Variants in ASIC2 observed in about 807,000 individuals in gnomAD.
The protein encoded by ASIC2 is acid-sensing ion channel 2.
Under a neutral mutation model 57.3 loss-of-function variants are expected in ASIC2, and 25 were observed. That is an observed-to-expected ratio of 0.44 (90% CI 0.32 to 0.61). ASIC2 has a LOEUF of 0.61. Ranked by LOEUF, ASIC2 falls within the 20% of genes least tolerant of loss-of-function variation. The pLI, the probability that ASIC2 is intolerant of heterozygous loss-of-function variation, is 0.06. For missense variants in ASIC2, 641 were observed against 738.1 expected, an observed-to-expected ratio of 0.87 and a Z score of 1.52; for synonymous variants, 319 against 307.5, an observed-to-expected ratio of 1.04 and a Z score of -0.39.
chr17:33,651,707 A>G (rs1378166534), intron 1 of ASIC2, among the ~76,000 whole-genome samples: 2 of 152,248 alleles, frequency 1.3e-5, no homozygotes, highest in African/African-American at 4.8e-5. Context: ...AGAAGCCCGC[A>G]GTCTGCTGTG....
At chr17:33,611,413 T>A (rs1394373913) in intron 1 of ASIC2, among the ~76,000 whole-genome samples, 1 of 152,238 alleles carries the variant, frequency 6.6e-6, no homozygotes, top group African/African-American at 2.4e-5. Context: ...TGTTCTATGG[T>A]TCCAGTTAGC....
chr17:33,981,334 T>C (rs1472571317), intron 1 of ASIC2, among the ~76,000 whole-genome samples: 1 of 152,232 alleles, frequency 6.6e-6, no homozygotes, highest in Non-Finnish European at 1.5e-5. Context: ...GGACCCAGTC[T>C]GTGACACAGG....
intron 1 of ASIC2, among the ~76,000 whole-genome samples, chr17:33,632,192 A>G (rs1597814380): frequency 2.0e-5 from 3 of 152,278 alleles, no homozygotes; most frequent in Middle Eastern, 6.8e-3. Context: ...TGATCAAATG[A>G]TATAATGCAC....
intron 1 of ASIC2, among the ~76,000 whole-genome samples, chr17:34,129,017 G>A (rs918982567): frequency 2.0e-5 from 3 of 152,148 alleles, no homozygotes; most frequent in Admixed American, 6.6e-5. Context: ...TGAATACACC[G>A]AAGGAAGAGA....
At chr17:33,552,272 T>C (rs529408444) in intron 1 of ASIC2, among the ~76,000 whole-genome samples, 1 of 152,324 alleles carries the variant, frequency 6.6e-6, no homozygotes, top group South Asian at 2.1e-4. Context: ...TCAGGAAGAT[T>C]TGCCTCCTGC....
rs989350289 is a variant in ASIC2, at chr17:33,021,207, A to T, written c.1441+12T>A. ...TGAGATGTGGAAATTTGTGCAATAG[A>T]CACTGACTTACCAAGTAAGGCAGCA... On this transcript the variant is annotated intron_variant, in intron 7 of 9. Transcript: ENST00000225823. The T allele has an allele frequency of 6.4e-6, 10 of 1,564,056 alleles. No individual in the cohort carries two copies. Among genetic ancestry groups the T allele is most frequent in the Non-Finnish European group, 7.9e-6 (9 of 1,139,806 alleles).
At chr17:33,893,748 G>T (rs537328371) in intron 1 of ASIC2, among the ~76,000 whole-genome samples, 21 of 152,320 alleles carry the variant, frequency 1.4e-4, no homozygotes, top group African/African-American at 4.8e-4. Flanking sequence ...TTATAAAATA[G>T]ATGTAGTGGA....
chr17:33,423,545 G>T (rs1000813467), intron 1 of ASIC2, among the ~76,000 whole-genome samples: 2 of 152,210 alleles, frequency 1.3e-5, no homozygotes, highest in African/African-American at 4.8e-5. Flanking sequence ...TTCAGACTTA[G>T]CTTTTTGTCC....
Position 33,292,601 on chromosome 17 carries a change from C to G in ASIC2, c.-486G>C, listed in dbSNP as rs1315926720. On this transcript the variant is annotated 5_prime_UTR_variant, in exon 1 of 10. Coordinates refer to ENST00000225823, the MANE Select transcript of ASIC2 (RefSeq NM_183377.2). ...GCCACCATGCCTGATCTGGACATCC[C>G]CAGGGACCCCACCAGCCCGGCCCGT... is the stretch of plus-strand genomic sequence containing the variant. 1.0e-6 allele frequency: 1 copy of G among 985,622 alleles called. No homozygotes were observed. The highest frequency in any genetic ancestry group is 1.2e-6 in the Non-Finnish European group (1 of 830,178). The allele number at this position is 985,622 out of a possible 1,614,324, so 61.1% of individuals were successfully genotyped here.
rs60756402 is a variant in ASIC2 at position 33,654,309 on chromosome 17, G to C, written c.555+501669C>G. Among the ~76,000 whole-genome samples, 1,070 of 152,344 alleles carry C rather than the reference G, an allele frequency of 7.0e-3. 14 individuals carry two copies. The highest frequency in any genetic ancestry group is 0.025 in the African/African-American group (1,023 of 41,570). On this transcript the variant is annotated intron_variant, in intron 1 of 9. Coordinates refer to the ASIC2 transcript ENST00000359872. Reference sequence around the variant, plus strand: ...AGACCAATAATTTGCAGAAGCAGAAGTGAAGATCAACATTTTTCCTCTTTA... The same window carrying C: ...AGACCAATAATTTGCAGAAGCAGAACTGAAGATCAACATTTTTCCTCTTTA...
intron 1 of ASIC2, among the ~76,000 whole-genome samples, chr17:34,124,475 T>C (rs1233896454): frequency 6.6e-6 from 1 of 152,210 alleles, no homozygotes; most frequent in African/African-American, 2.4e-5. Flanking sequence ...CTCAGACTTC[T>C]TAACTTTGCA....
intron 1 of ASIC2, chr17:33,932,741 A>AAAAAAAAAAATATATATATAT (rs1555572867): frequency 1.7e-5 from 1 of 58,714 alleles, no homozygotes; most frequent in Non-Finnish European, 3.1e-5. Flanking sequence ...AAAAAAAAAA[A>AAAAAAAAAAATATATATATAT]ATATATATAT....
At chr17:33,352,578 G>A (rs192973152) in intron 1 of ASIC2, among the ~76,000 whole-genome samples, 1 of 152,104 alleles carries the variant, frequency 6.6e-6, no homozygotes, top group East Asian at 1.9e-4. Flanking sequence ...GAACTCTGTG[G>A]CTCAAAACCT....
intron 1 of ASIC2, among the ~76,000 whole-genome samples, chr17:33,446,920 T>C (rs1221855777): frequency 1.3e-5 from 2 of 152,226 alleles, no homozygotes; most frequent in African/African-American, 4.8e-5. Context: ...ACAATAATTA[T>C]CTGCCTAAGA....
intron 1 of ASIC2, among the ~76,000 whole-genome samples, chr17:33,355,161 CA>C (rs1167489033): frequency 6.6e-6 from 1 of 152,110 alleles, no homozygotes; most frequent in African/African-American, 2.4e-5. Context: ...GGTGAAACCC[CA>C]ACTCTACTAA....
Position 33,928,637 on chromosome 17 carries a change from G to A in ASIC2, c.555+227341C>T, listed in dbSNP as rs78787092. 6.0e-3 allele frequency among the ~76,000 whole-genome samples: 915 copies of A among 152,264 alleles called. 11 individuals are homozygous for A. The highest frequency in any genetic ancestry group is 0.02 in the African/African-American group (834 of 41,540). ...GGAAATGTAGTGTCAGGGCTCCGGA[G>A]GGGTGGAGCTTCTGCACTTCAGGGG... On this transcript the variant is annotated intron_variant, in intron 1 of 9. Transcript: ENST00000359872.
At chr17:33,685,154 C>G (rs112204497) in intron 1 of ASIC2, among the ~76,000 whole-genome samples, 1 of 152,156 alleles carries the variant, frequency 6.6e-6, no homozygotes, top group Non-Finnish European at 1.5e-5. Flanking sequence ...CGTGTACACA[C>G]GGATGGAGGT....
At chr17:34,147,943 G>A (rs547244323) in intron 1 of ASIC2, among the ~76,000 whole-genome samples, 1 of 152,286 alleles carries the variant, frequency 6.6e-6, no homozygotes, top group African/African-American at 2.4e-5. Context: ...GTCTTTGGGA[G>A]ATTTTTTAAT....
At chr17:33,912,682 A>T (rs1915493406) in intron 1 of ASIC2, among the ~76,000 whole-genome samples, 1 of 151,918 alleles carries the variant, frequency 6.6e-6, no homozygotes, top group Non-Finnish European at 1.5e-5. Flanking sequence ...ATAGCATTTT[A>T]AAAATTATAG....
Sources: allele counts gnomAD v4.1 joint callset (sites outside exome capture counted in the v4.1 genomes callset), GRCh38; gene constraint gnomAD v4.1.1; transcripts MANE v1.5; gene names NCBI Gene and HGNC (gene_info 2026-07-23, HGNC 2026-07-21).